The following TNKS variants were observed in gnomAD, a reference collection of about 807,000 sequenced individuals.
The protein encoded by TNKS is poly [ADP-ribose] polymerase tankyrase-1.
TNKS carries 72 observed loss-of-function variants against 135.8 expected under a neutral mutation model. The observed-to-expected ratio is 0.53, with a 90% CI of 0.44 to 0.64. TNKS has a LOEUF of 0.64. Among genes scored for constraint, TNKS ranks in the 30% least tolerant of loss-of-function variants. TNKS has a pLI of 0.00. For missense variants in TNKS, 1,769 were observed against 1,674.0 expected (o/e 1.06, Z -0.99); for synonymous variants, 849 against 649.3 (o/e 1.31, Z -4.68).
intron 17 of TNKS, among the ~76,000 whole-genome samples, chr8:9,740,213 G>A (rs1318228932): frequency 2.0e-5 from 3 of 152,132 alleles, no homozygotes; most frequent in Non-Finnish European, 4.4e-5. Flanking sequence ...CCTGGCTCAC[G>A]GCAGAAATAG....
chr8:9,578,606 A>G (rs534990172), intron 1 of TNKS, among the ~76,000 whole-genome samples: 65 of 152,362 alleles, frequency 4.3e-4, no homozygotes, highest in African/African-American at 1.4e-3. Flanking sequence ...GAATTTCTAT[A>G]GATAGCATGG....
At chr8:9,578,100 C>G (rs1585188996) in intron 1 of TNKS, among the ~76,000 whole-genome samples, 1 of 152,214 alleles carries the variant, frequency 6.6e-6, no homozygotes, top group Non-Finnish European at 1.5e-5. Context: ...GGTGGGCTCC[C>G]AAGGCCTTGG....
At chr8:9,564,955 G>T (rs962147751) in intron 1 of TNKS, among the ~76,000 whole-genome samples, 5 of 151,884 alleles carry the variant, frequency 3.3e-5, no homozygotes, top group Non-Finnish European at 5.9e-5. Context: ...AGTAGGGTGG[G>T]TTTCCTAGGG....
At chr8:9,692,957 C>G (rs1803347397) in intron 5 of TNKS, among the ~76,000 whole-genome samples, 1 of 152,156 alleles carries the variant, frequency 6.6e-6, no homozygotes, top group Non-Finnish European at 1.5e-5. Flanking sequence ...ATCTAAATAT[C>G]ACTCTCTCAA....
chr8:9,590,916 T>A (rs901944338), intron 2 of TNKS, among the ~76,000 whole-genome samples: 4 of 152,256 alleles, frequency 2.6e-5, no homozygotes, highest in Non-Finnish European at 5.9e-5. Flanking sequence ...GATTAATGGT[T>A]AACATTAAAA....
chr8:9,735,352 C>G (rs367597421), intron 16 of TNKS, 25 bp from the exon 17 acceptor site: 260 of 1,596,416 alleles, frequency 1.6e-4, no homozygotes, highest in African/African-American at 2.7e-5. Flanking sequence ...TGACACGTTT[C>G]CTGTATTTTT....
At chr8:9,731,503 A>G (rs1189001418) in intron 14 of TNKS, among the ~76,000 whole-genome samples, 1 of 151,232 alleles carries the variant, frequency 6.6e-6, no homozygotes, top group Non-Finnish European at 1.5e-5. Flanking sequence ...TGTACAGTAT[A>G]GAAATTGAAA....
chr8:9,685,513 CT>C (rs1802953668), intron 5 of TNKS, among the ~76,000 whole-genome samples: 1 of 152,138 alleles, frequency 6.6e-6, no homozygotes, highest in Non-Finnish European at 1.5e-5. Context: ...AGAATGGACA[CT>C]TACATACTTT....
At chr8:9,766,111 T>A (rs1807429572) in intron 24 of TNKS, 128 bp from the exon 25 acceptor site, 1 of 812,318 alleles carries the variant, frequency 1.2e-6, no homozygotes, top group Admixed American at 2.9e-5. Flanking sequence ...TAGACCTTCT[T>A]AGAAAATACT....
chr8:9,660,641 A>G (rs1554462732), intron 3 of TNKS, among the ~76,000 whole-genome samples: 4 of 152,188 alleles, frequency 2.6e-5, no homozygotes, highest in African/African-American at 4.8e-5. Flanking sequence ...TACTGAATGG[A>G]CAAAAACTGG....
In TNKS at chr8:9,651,796, T is replaced by G. The variant is rs1031288174; in HGVS notation, c.995-28155T>G. ...CATATCCTGTTGGAAATAGTCATTA[T>G]CAGCCAGGCAAATTGGTAGTTCCTC... On this transcript the variant is annotated intron_variant, in intron 3 of 26. Transcript: ENST00000310430. Among the ~76,000 whole-genome samples the G allele has an allele frequency of 4.6e-5, 7 of 152,332 alleles. No individual in the cohort carries two copies. In the East Asian group the frequency reaches 1.3e-3, roughly 29 times the overall value.
At chr8:9,558,882 A>C (rs529075478) in intron 1 of TNKS, 1 of 152,330 alleles carries the variant, frequency 6.6e-6, no homozygotes, top group African/African-American at 2.4e-5. Context: ...GTAACATTAA[A>C]GTTTTATTAA....
At chr8:9,575,385 T>C (rs1055924985) in intron 1 of TNKS, 4 of 985,356 alleles carry the variant, frequency 4.1e-6, no homozygotes, top group Middle Eastern at 5.2e-4. Flanking sequence ...CGGATAATTT[T>C]TTAAGAGGAA....
At chr8:9,566,477 T>C (rs1330327781) in intron 1 of TNKS, 3 of 152,284 alleles carry the variant, frequency 2.0e-5, no homozygotes, top group South Asian at 2.1e-4. Context: ...ATGAATTGCT[T>C]GTTTTAGTGC....
intron 2 of TNKS, among the ~76,000 whole-genome samples, chr8:9,583,746 C>G (rs991263791): frequency 2.6e-5 from 4 of 152,100 alleles, no homozygotes; most frequent in East Asian, 3.9e-4. Context: ...CTCAGCCTCC[C>G]AAAGTCCTGG....
At chr8:9,742,606 T>A (rs1806024223) in intron 17 of TNKS, among the ~76,000 whole-genome samples, 1 of 151,596 alleles carries the variant, frequency 6.6e-6, no homozygotes, top group Non-Finnish European at 1.5e-5. Flanking sequence ...TTCTGCAATC[T>A]CAGCACGTTG....
At chr8:9,688,199 A>G (rs570305649) in intron 5 of TNKS, among the ~76,000 whole-genome samples, 115 of 152,354 alleles carry the variant, frequency 7.5e-4, no homozygotes, top group Non-Finnish European at 1.5e-3. Flanking sequence ...CTTTGGTTTG[A>G]ACAGACTGTT....
chr8:9,587,356 T>C (rs1025591384), intron 2 of TNKS, among the ~76,000 whole-genome samples: 10 of 151,106 alleles, frequency 6.6e-5, no homozygotes, highest in African/African-American at 2.4e-4. Flanking sequence ...TAGGTTTTCA[T>C]GAAAGTCACC....
intron 3 of TNKS, among the ~76,000 whole-genome samples, chr8:9,662,786 A>C (rs138163016): frequency 1.3e-5 from 2 of 152,218 alleles, no homozygotes; most frequent in South Asian, 2.1e-4. Flanking sequence ...TTTTCATTCA[A>C]TGAAAGAGCA....
Sources: gnomAD v4.1 joint callset for allele counts (sites outside exome capture counted in the v4.1 genomes callset) on GRCh38, gnomAD v4.1.1 for gene constraint, MANE v1.5 for transcripts, NCBI Gene and HGNC (gene_info 2026-07-23, HGNC 2026-07-21) for gene names.